Variants in MLANA observed in about 807,000 individuals in gnomAD.
MLANA encodes the protein melanoma antigen recognized by T-cells 1.
In MLANA, 21 loss-of-function variants were observed where a neutral mutation model predicts 15.7. The observed-to-expected ratio is 1.33, with a 90% CI of 0.95 to 1.92. The LOEUF (loss-of-function observed/expected upper bound fraction) is 1.92, where lower values mean the gene tolerates loss of function less well. Ranked by LOEUF, MLANA falls within the 40% of genes most tolerant of loss-of-function variation. The pLI, the probability that MLANA is intolerant of heterozygous loss-of-function variation, is 0.00. For synonymous variants in MLANA, 56 were observed against 51.5 expected (o/e 1.09, Z -0.37); for missense variants, 164 against 143.8 (o/e 1.14, Z -0.72).
At chr9:5,898,930 TTTC>T (rs1023064928) in intron 3 of MLANA, 2 of 152,222 alleles carry the variant, frequency 1.3e-5, no homozygotes, top group African/African-American at 2.4e-5. Context: ...ATAGTATTTT[TTTC>T]TTCTTTACCC....
In MLANA at chr9:5,894,581, T is replaced by C. The variant is rs1167911063; in HGVS notation, c.77+2030T>C. On this transcript the variant is annotated intron_variant, in intron 2 of 4. Coordinates refer to ENST00000381477, the MANE Select transcript of MLANA (RefSeq NM_005511.2). This position sits in a 1 kb window ranked among gnomAD's most constrained non-coding sequence, Gnocchi z 4.0. ...TTAGAAGTGAGGGGCATGAATCAAA[T>C]ACTCAGGCCTCTGAGGTCAGCCAGT... Among the ~76,000 whole-genome samples the C allele has an allele frequency of 1.3e-5, 2 of 152,142 alleles. No homozygotes were observed. Among genetic ancestry groups the C allele is most frequent in the East Asian group, 1.9e-4 (1 of 5,192 alleles).
rs766785610 is a variant in MLANA at position 5,894,691 on chromosome 9, C to T, written c.77+2140C>T. ...GCTTGGCATATACAGACAATGTGAG[C>T]ATTGCTGGGGTGATCCTGACAGGAG... On this transcript the variant is annotated intron_variant, in intron 2 of 4. Coordinates refer to ENST00000381477, the MANE Select transcript of MLANA (RefSeq NM_005511.2). The surrounding 1 kb of genome is among the most constrained non-coding windows in gnomAD (Gnocchi z 4.0). Among the ~76,000 whole-genome samples, 2 of 152,174 alleles carry T rather than the reference C, an allele frequency of 1.3e-5. No homozygotes were observed. The highest frequency in any genetic ancestry group is 3.8e-4 in the East Asian group (2 of 5,196).
chr9:5,892,906 G>A (rs1316336727), intron 2 of MLANA, among the ~76,000 whole-genome samples: 1 of 152,104 alleles, frequency 6.6e-6, no homozygotes, highest in Non-Finnish European at 1.5e-5. Context: ...TCAAATTCCT[G>A]AAGGTGGTTT....
At chr9:5,895,260 C>G (rs1831936281) in intron 2 of MLANA, among the ~76,000 whole-genome samples, 1 of 152,102 alleles carries the variant, frequency 6.6e-6, no homozygotes, top group African/African-American at 2.4e-5. Flanking sequence ...GGAGATCGGT[C>G]CAGAAAATAA....
At chr9:5,892,370 A>C in intron 1 of MLANA, 80 bp from the exon 2 acceptor site, 1 of 954,052 alleles carries the variant, frequency 1.0e-6, no homozygotes, top group Non-Finnish European at 1.6e-6. Context: ...CCTAGTGAGG[A>C]TGCTGTTGTG....
At position 5,903,894 on chromosome 9, in the gene MLANA, G is replaced by A. The variant is rs111644527; in HGVS notation, c.175-2991G>A. Among the ~76,000 whole-genome samples, 1,429 of 151,064 alleles carry A rather than the reference G, an allele frequency of 9.5e-3. 20 individuals are homozygous for A. The highest frequency in any genetic ancestry group is 0.033 in the African/African-American group (1,354 of 41,040). On this transcript the variant is annotated intron_variant, in intron 3 of 4. Transcript: ENST00000381477. Reference sequence around the variant, plus strand: ...TTTTTTTGAGACAGAGTCTCGCTGTGTCACCTAGACTGGAGTGCAGTGGTG... The same window carrying A: ...TTTTTTTGAGACAGAGTCTCGCTGTATCACCTAGACTGGAGTGCAGTGGTG...
At position 5,894,841 on chromosome 9, in the gene MLANA, T is replaced by A. The variant is rs879583278; in HGVS notation, c.77+2290T>A. On this transcript the variant is annotated intron_variant, in intron 2 of 4. Transcript: ENST00000381477. The surrounding 1 kb of genome is among the most constrained non-coding windows in gnomAD (Gnocchi z 4.0). ...GCATTTGCAGAGTCCAGTCCCAGCA[T>A]CACAGAGCAGAGCATAGAAAGGTAG... is the stretch of plus-strand genomic sequence containing the variant. Among the ~76,000 whole-genome samples, 2 of 152,160 alleles carry A rather than the reference T, an allele frequency of 1.3e-5. No homozygotes were observed. Among genetic ancestry groups the A allele is most frequent in the Admixed American group, 1.3e-4 (2 of 15,270 alleles).
chr9:5,902,848 T>C (rs1458764722), intron 3 of MLANA, among the ~76,000 whole-genome samples: 1 of 152,128 alleles, frequency 6.6e-6, no homozygotes, highest in Non-Finnish European at 1.5e-5. Flanking sequence ...CTCTAATTTT[T>C]ATTTTTCCGC....
At chr9:5,899,379 T>A (rs1197744216) in intron 3 of MLANA, 2 of 152,172 alleles carry the variant, frequency 1.3e-5, no homozygotes, top group Non-Finnish European at 2.9e-5. Context: ...CAGTCTCATG[T>A]CTCATGTCTC....
intron 3 of MLANA, among the ~76,000 whole-genome samples, chr9:5,900,518 T>G (rs976850668): frequency 6.6e-6 from 1 of 152,216 alleles, no homozygotes; most frequent in Non-Finnish European, 1.5e-5. Flanking sequence ...TACCTCCCTT[T>G]CTGTCTTCAG....
intron 3 of MLANA, among the ~76,000 whole-genome samples, chr9:5,903,480 T>C (rs912194660): frequency 3.9e-5 from 6 of 152,362 alleles, no homozygotes; most frequent in African/African-American, 1.4e-4. Context: ...TCTTTTCTTG[T>C]AATATCTTTG....
intron 3 of MLANA, among the ~76,000 whole-genome samples, chr9:5,906,400 G>A (rs1234833193): frequency 6.6e-6 from 1 of 151,788 alleles, no homozygotes; most frequent in Non-Finnish European, 1.5e-5. Context: ...TTCCTTCTTG[G>A]ATGTTCTTCC....
At position 5,909,819 on chromosome 9, in the gene MLANA, T is replaced by A. The variant is rs889418649; in HGVS notation, c.*1111T>A. ...GAAGAAATCATAAAGGATCAGAGAT[T>A]CTGGAATGGTGTCATTATTTGCATA... On this transcript the variant is annotated 3_prime_UTR_variant, in exon 5 of 5. Transcript: ENST00000381477. 1 of 152,212 alleles carries A rather than the reference T, an allele frequency of 6.6e-6. No homozygotes were observed. Among genetic ancestry groups the A allele is most frequent in the African/African-American group, 2.4e-5 (1 of 41,462 alleles). The allele number at this position is 152,212 out of a possible 1,614,324, so 9.4% of individuals were successfully genotyped here.
At chr9:5,903,064 T>G (rs890624060) in intron 3 of MLANA, among the ~76,000 whole-genome samples, 7 of 152,230 alleles carry the variant, frequency 4.6e-5, no homozygotes, top group Non-Finnish European at 1.0e-4. Context: ...AAATTTCTCC[T>G]GAGATTTCTC....
intron 4 of MLANA, among the ~76,000 whole-genome samples, chr9:5,908,031 C>T (rs1430794993): frequency 6.6e-6 from 1 of 152,154 alleles, no homozygotes; most frequent in Admixed American, 6.6e-5. Context: ...ACATATACAA[C>T]ACAGCATAAT....
chr9:5,903,910 T>A (rs1190039214), intron 3 of MLANA, among the ~76,000 whole-genome samples: 1 of 151,766 alleles, frequency 6.6e-6, no homozygotes, highest in Non-Finnish European at 1.5e-5. Context: ...TAGACTGGAG[T>A]GCAGTGGTGT....
rs948975011 is a variant in MLANA, at chr9:5,909,672, G to A, written c.*964G>A. The A allele has an allele frequency of 3.9e-5, 6 of 152,208 alleles. No homozygotes were observed. Among genetic ancestry groups the A allele is most frequent in the Admixed American group, 3.9e-4 (6 of 15,286 alleles). 9.4% of individuals were successfully genotyped at this position (152,208 alleles called of 1,614,324 possible). A position where few individuals can be genotyped will look rare whatever the true frequency, so the allele number is the denominator to read the frequency against. On this transcript the variant is annotated 3_prime_UTR_variant, in exon 5 of 5. Transcript: ENST00000381477. ...TCTACTAAACCAGAAATTGGTAGAAGGATTTAAATAAGTAAAAGCTACTAT... is the reference window on the plus strand; with the variant it reads ...TCTACTAAACCAGAAATTGGTAGAAAGATTTAAATAAGTAAAAGCTACTAT...
chr9:5,903,103 G>C (rs958368590), intron 3 of MLANA, among the ~76,000 whole-genome samples: 1 of 143,792 alleles, frequency 7.0e-6, no homozygotes, highest in Non-Finnish European at 1.6e-5. Context: ...GTAGAAGTGT[G>C]TTGTTTAATC....
intron 3 of MLANA, chr9:5,897,933 C>T (rs1563813063): frequency 3.1e-6 from 1 of 323,100 alleles, no homozygotes; most frequent in Non-Finnish European, 5.9e-6. Context: ...ATTTGGTTTA[C>T]AGTTGGGAGG....
Sources: allele counts gnomAD v4.1 joint callset (sites outside exome capture counted in the v4.1 genomes callset), GRCh38; gene constraint gnomAD v4.1.1; non-coding constraint Gnocchi (gnomAD v3.1); transcripts MANE v1.5; gene names NCBI Gene and HGNC (gene_info 2026-07-23, HGNC 2026-07-21).